The following SND1 variants were observed in gnomAD, a reference collection of about 807,000 sequenced individuals.
The protein encoded by SND1 is staphylococcal nuclease domain-containing protein 1.
Under a neutral mutation model 121.7 loss-of-function variants are expected in SND1, and 38 were observed. The observed-to-expected ratio is 0.31, with a 90% confidence interval of 0.24 to 0.41. SND1 has a LOEUF of 0.41. Among genes scored for constraint, SND1 ranks in the 10% least tolerant of loss-of-function variants. The pLI, the probability that SND1 is intolerant of heterozygous loss-of-function variation, is 1.00. For synonymous variants in SND1, 401 were observed against 447.4 expected, an observed-to-expected ratio of 0.90 and a Z score of 1.31; for missense variants, 868 against 1,184.6, an observed-to-expected ratio of 0.73 and a Z score of 3.92.
rs532149534 is a variant in SND1 at position 128,052,433 on chromosome 7, A to G, written c.1780-22069A>G. On this transcript the variant is annotated intron_variant, in intron 16 of 23. Coordinates refer to ENST00000354725, the MANE Select transcript of SND1 (RefSeq NM_014390.4). This position sits in a 1 kb window ranked among gnomAD's most constrained non-coding sequence, Gnocchi z 4.6. Reference sequence around the variant, plus strand: ...CACAGCTTGTCTTCCCGCCCAGGAAAGGGTATTTGGAAGAAGCTCCATCCT... The same window carrying G: ...CACAGCTTGTCTTCCCGCCCAGGAAGGGGTATTTGGAAGAAGCTCCATCCT... Among the ~76,000 whole-genome samples the G allele has an allele frequency of 2.6e-5, 4 of 152,298 alleles. No homozygotes were observed. The East Asian group carries it at 7.7e-4, about 29-fold the overall frequency.
intron 16 of SND1, among the ~76,000 whole-genome samples, chr7:128,014,352 C>T (rs1310779391): frequency 6.6e-6 from 1 of 152,128 alleles, no homozygotes; most frequent in Non-Finnish European, 1.5e-5. Flanking sequence ...CCTGTCACCA[C>T]CCCTAGAGAT....
In SND1 at chr7:128,000,839, C is replaced by T. The variant is rs188273373; in HGVS notation, c.1779+9783C>T. 5.3e-5 allele frequency among the ~76,000 whole-genome samples: 8 copies of T among 152,244 alleles called. No homozygotes were observed. The East Asian group carries it at 1.2e-3, about 22-fold the overall frequency. On this transcript the variant is annotated intron_variant, in intron 16 of 23. Transcript: ENST00000354725. ...CTCTTAATGTATAATAGCAAGGCTG[C>T]CTGAGCCACCAGCAGAGCACAAGCA...
At chr7:127,815,691 T>C (rs1328047631) in intron 11 of SND1, among the ~76,000 whole-genome samples, 2 of 152,050 alleles carry the variant, frequency 1.3e-5, no homozygotes, top group African/African-American at 4.8e-5. Context: ...CTGGGGCCTT[T>C]AGAGGTATAA....
At chr7:127,840,462 A>G (rs1798944130) in intron 11 of SND1, among the ~76,000 whole-genome samples, 1 of 152,190 alleles carries the variant, frequency 6.6e-6, no homozygotes, top group African/African-American at 2.4e-5. Flanking sequence ...TATTCGTAAA[A>G]TACTTGCATA....
At chr7:128,043,122 C>T (rs1015927438) in intron 16 of SND1, among the ~76,000 whole-genome samples, 2 of 152,180 alleles carry the variant, frequency 1.3e-5, no homozygotes, top group African/African-American at 4.8e-5. Flanking sequence ...TAGGCCACAT[C>T]TCTTTGTGAG....
At chr7:127,697,353 CTT>C (rs1796022902) in intron 3 of SND1, among the ~76,000 whole-genome samples, 1 of 152,194 alleles carries the variant, frequency 6.6e-6, no homozygotes, top group Admixed American at 6.5e-5. Flanking sequence ...TCAGAACTCA[CTT>C]TTTAGAAGTG....
intron 16 of SND1, among the ~76,000 whole-genome samples, chr7:128,036,180 T>C (rs1373066629): frequency 6.7e-6 from 1 of 149,574 alleles, no homozygotes; most frequent in African/African-American, 2.5e-5. Context: ...GTCACTGCCT[T>C]CTTTCCAAGG....
At position 128,084,845 on chromosome 7, in the gene SND1, A is replaced by G; in HGVS notation, c.2232A>G (p.Glu744=). Residue 744 remains glutamate, a splice_region_variant and synonymous_variant, in exon 19 of 24, where the codon GAA becomes GAG. Coordinates refer to ENST00000354725, the MANE Select transcript of SND1 (RefSeq NM_014390.4). ...GCATTGCCAAATTTGTAGATGGAGA[A>G]TGGTAAGCCACTTGGAAAAGCAAGG... ...EFCIAKFVDG[E]WYRARVEKVE... The G allele has an allele frequency of 6.3e-7, 1 of 1,590,578 alleles. No individual in the cohort carries two copies. The highest frequency in any genetic ancestry group is 8.6e-7 in the Non-Finnish European group (1 of 1,163,666).
rs189109007 is a variant in SND1 at position 128,027,027 on chromosome 7, T to C, written c.1779+35971T>C. The C allele has an allele frequency of 2.6e-5, 4 of 152,508 alleles. No homozygotes were observed. The East Asian group carries it at 7.7e-4, about 29-fold the overall frequency. The allele number at this position is 152,508 out of a possible 1,614,324, so 9.4% of individuals were successfully genotyped here. On this transcript the variant is annotated intron_variant, in intron 16 of 23. Transcript: ENST00000354725. The stretch of plus-strand genomic sequence containing the variant: ...GAAATGATTGGCTCATAAGAATCTA[T>C]AGGTTCAGGGTCTTACTCAATTTAA...
chr7:127,655,236 C>T (rs1211813642), intron 1 of SND1, among the ~76,000 whole-genome samples: 3 of 152,146 alleles, frequency 2.0e-5, no homozygotes, highest in Non-Finnish European at 2.9e-5. Context: ...GTTGCAGGGC[C>T]GTGAAAGACA....
intron 16 of SND1, among the ~76,000 whole-genome samples, chr7:128,022,804 G>T (rs1344920502): frequency 1.3e-5 from 2 of 150,354 alleles, no homozygotes; most frequent in African/African-American, 4.9e-5. Context: ...CATCCCTGAA[G>T]GCTGGGTTGC....
chr7:127,956,641 T>C (rs1801599817), intron 15 of SND1, among the ~76,000 whole-genome samples: 1 of 152,156 alleles, frequency 6.6e-6, no homozygotes, highest in African/African-American at 2.4e-5. Flanking sequence ...ATTATTGGCC[T>C]ACTGCTGAGT....
intron 11 of SND1, among the ~76,000 whole-genome samples, chr7:127,825,167 A>G (rs749754127): frequency 5.9e-5 from 9 of 152,090 alleles, no homozygotes; most frequent in African/African-American, 9.7e-5. Context: ...CTGGAGTGCA[A>G]TGGCGCGATG....
At chr7:127,755,707 C>G (rs573162300) in intron 10 of SND1, among the ~76,000 whole-genome samples, 1 of 152,172 alleles carries the variant, frequency 6.6e-6, no homozygotes, top group South Asian at 2.1e-4. Context: ...GTGGTGACTC[C>G]GTTTGAAAGC....
intron 10 of SND1, among the ~76,000 whole-genome samples, chr7:127,740,888 T>C (rs999635789): frequency 1.3e-5 from 2 of 152,214 alleles, no homozygotes; most frequent in African/African-American, 4.8e-5. Context: ...TAGATGCAGA[T>C]GTTGTTTAGC....
intron 14 of SND1, among the ~76,000 whole-genome samples, chr7:127,911,032 C>T (rs954002605): frequency 6.6e-6 from 1 of 152,212 alleles, no homozygotes; most frequent in East Asian, 1.9e-4. Context: ...ATATGGTTGG[C>T]CCCTTGCCTG....
Position 128,029,970 on chromosome 7 carries a change from T to A in SND1, c.1779+38914T>A. The A allele has an allele frequency of 6.2e-7, 1 of 1,613,072 alleles. No homozygotes were observed. The highest frequency in any genetic ancestry group is 8.5e-7 in the Non-Finnish European group (1 of 1,180,000). On this transcript the variant is annotated intron_variant, in intron 16 of 23. Transcript: ENST00000354725. The surrounding 1 kb of genome is among the most constrained non-coding windows in gnomAD (Gnocchi z 4.2). ...CTCAGGGAAGTGGTTCCCTGACATC[T>A]CCAGCTCCTCCAGCCCCACCAGGGG...
intron 1 of SND1, among the ~76,000 whole-genome samples, chr7:127,672,232 T>C (rs559253042): frequency 1.3e-5 from 2 of 152,300 alleles, no homozygotes; most frequent in South Asian, 4.1e-4. Flanking sequence ...CCTTTCATAC[T>C]TTAATACTTC....
chr7:127,728,350 T>C (rs1442111261), intron 10 of SND1, among the ~76,000 whole-genome samples: 1 of 152,228 alleles, frequency 6.6e-6, no homozygotes, highest in Non-Finnish European at 1.5e-5. Context: ...CAGTTCTACA[T>C]TTTCAATTTA....
Sources: gnomAD v4.1 joint callset for allele counts (sites outside exome capture counted in the v4.1 genomes callset) on GRCh38, gnomAD v4.1.1 for gene constraint, Gnocchi (gnomAD v3.1) non-coding constraint, MANE v1.5 for transcripts, NCBI Gene and HGNC (gene_info 2026-07-23, HGNC 2026-07-21) for gene names.